The following JAKMIP2 variants were observed in gnomAD, a reference collection of about 807,000 sequenced individuals.
JAKMIP2 encodes janus kinase and microtubule interacting protein 2, also known as janus kinase and microtubule-interacting protein 2.
A neutral mutation model predicts 115.0 loss-of-function variants in JAKMIP2; 25 were observed. The observed-to-expected ratio is 0.22, with a 90% confidence interval of 0.16 to 0.30. The LOEUF is 0.30. JAKMIP2 is among the 10% of genes least tolerant of loss of function. JAKMIP2 has a pLI of 1.00. For synonymous variants in JAKMIP2, 334 were observed against 343.6 expected, an observed-to-expected ratio of 0.97 and a Z score of 0.31; for missense variants, 642 against 957.6, an observed-to-expected ratio of 0.67 and a Z score of 4.35.
chr5:147,659,716 C>A (rs555826423), intron 3 of JAKMIP2, among the ~76,000 whole-genome samples: 1 of 152,164 alleles, frequency 6.6e-6, no homozygotes, highest in African/African-American at 2.4e-5. Context: ...CAGTCACTGT[C>A]GTTTCAAAAA....
intron 1 of JAKMIP2, among the ~76,000 whole-genome samples, chr5:147,763,129 C>G (rs1281362792): frequency 6.6e-6 from 1 of 152,096 alleles, no homozygotes; most frequent in Non-Finnish European, 1.5e-5. Context: ...AGACCACAGG[C>G]AGCCAGTTTG....
intron 1 of JAKMIP2, among the ~76,000 whole-genome samples, chr5:147,781,991 C>A (rs925825296): frequency 7.9e-5 from 12 of 152,092 alleles, no homozygotes; most frequent in Non-Finnish European, 1.5e-4. Context: ...TCTGGGGCCA[C>A]TTTTTCTAAG....
chr5:147,662,018 G>A (rs1050323255), intron 2 of JAKMIP2: 1 of 151,482 alleles, frequency 6.6e-6, no homozygotes, highest in African/African-American at 2.4e-5. Flanking sequence ...TGATATTATT[G>A]AGCATCCGTC....
intron 1 of JAKMIP2, among the ~76,000 whole-genome samples, chr5:147,777,976 T>C (rs1755624739): frequency 1.3e-5 from 2 of 152,334 alleles, no homozygotes; most frequent in South Asian, 4.1e-4. Context: ...ACTTATTTTA[T>C]GACAATATCA....
chr5:147,623,569 A>G, intron 17 of JAKMIP2, 52 bp downstream of exon 17: 1 of 1,220,754 alleles, frequency 8.2e-7, no homozygotes, highest in Non-Finnish European at 1.2e-6. Context: ...TTAATTTTCC[A>G]TTTGCCTTGT....
chr5:147,702,216 C>T (rs955635732), intron 1 of JAKMIP2, among the ~76,000 whole-genome samples: 3 of 148,760 alleles, frequency 2.0e-5, no homozygotes, highest in Non-Finnish European at 4.4e-5. Context: ...CTTGCTAACA[C>T]AAGGGAAGAA....
chr5:147,711,589 G>A (rs1171556592), intron 1 of JAKMIP2, among the ~76,000 whole-genome samples: 4 of 152,148 alleles, frequency 2.6e-5, no homozygotes, highest in Admixed American at 6.6e-5. Context: ...ACAGAATAGT[G>A]TCATCACTGA....
chr5:147,703,853 TATACA>T lies in JAKMIP2; in HGVS notation c.-148-31904_-148-31900del, dbSNP rs112519307. On this transcript the variant is annotated intron_variant, in intron 1 of 21. Transcript: ENST00000616793. ...TAAAACACTAATATTTTTGTACTGC[TATACA>T]ATACATTTTCTTTTTTATATCTTAT... Among the ~76,000 whole-genome samples the T allele has an allele frequency of 6.7e-3, 1,021 of 152,290 alleles. 22 individuals carry two copies. The highest frequency in any genetic ancestry group is 0.022 in the African/African-American group (928 of 41,562).
chr5:147,772,799 C>T (rs912655520), intron 1 of JAKMIP2, among the ~76,000 whole-genome samples: 22 of 151,876 alleles, frequency 1.4e-4, no homozygotes, highest in African/African-American at 5.1e-4. Flanking sequence ...AATTGAATGG[C>T]TTTGGGTATA....
At chr5:147,633,826 A>G (rs1453494727) in intron 12 of JAKMIP2, among the ~76,000 whole-genome samples, 1 of 149,736 alleles carries the variant, frequency 6.7e-6, no homozygotes, top group Non-Finnish European at 1.5e-5. Flanking sequence ...AGTAGCTGGG[A>G]CTACAGGTGC....
chr5:147,743,200 G>A (rs1361006541), intron 1 of JAKMIP2, among the ~76,000 whole-genome samples: 2 of 152,114 alleles, frequency 1.3e-5, no homozygotes, highest in South Asian at 2.1e-4. Context: ...CAGGAGGTGC[G>A]ACAGGCTTCA....
At chr5:147,782,248 ATT>A (rs565755106) in intron 1 of JAKMIP2, among the ~76,000 whole-genome samples, 24 of 144,810 alleles carry the variant, frequency 1.7e-4, no homozygotes, top group African/African-American at 5.8e-4. Flanking sequence ...TCAGAACACC[ATT>A]TTTTTTTTTT....
At position 147,762,667 on chromosome 5, in the gene JAKMIP2, T is replaced by C. The variant is rs191137754; in HGVS notation, c.-149+19789A>G. 4.7e-4 allele frequency among the ~76,000 whole-genome samples: 72 copies of C among 152,188 alleles called. No individual in the cohort carries two copies. In the East Asian group the frequency reaches 9.9e-3, roughly 21 times the overall value. On this transcript the variant is annotated intron_variant, in intron 1 of 21. Coordinates refer to ENST00000616793, the MANE Select transcript of JAKMIP2 (RefSeq NM_001270941.2). ...CCTCATTTAACCTTAATTAGCTCCC[T>C]AAAGGGCCTATCTCCAAATGCAGTC...
At chr5:147,623,935 A>G (rs186795759) in intron 16 of JAKMIP2, among the ~76,000 whole-genome samples, 10 of 152,140 alleles carry the variant, frequency 6.6e-5, no homozygotes, top group African/African-American at 7.2e-5. Context: ...TCCTGCTTTC[A>G]AGCAATTCTC....
At chr5:147,707,726 AC>A (rs1306438202) in intron 1 of JAKMIP2, among the ~76,000 whole-genome samples, 3 of 152,184 alleles carry the variant, frequency 2.0e-5, no homozygotes, top group African/African-American at 7.2e-5. Context: ...GATGTAATGC[AC>A]AACAGTGGGT....
At chr5:147,703,343 T>C (rs1752445604) in intron 1 of JAKMIP2, among the ~76,000 whole-genome samples, 2 of 152,112 alleles carry the variant, frequency 1.3e-5, no homozygotes. Flanking sequence ...TTTATGTATC[T>C]AAACATACTT....
At chr5:147,657,427 C>G (rs895412368) in intron 3 of JAKMIP2, among the ~76,000 whole-genome samples, 4 of 152,126 alleles carry the variant, frequency 2.6e-5, no homozygotes, top group Admixed American at 1.3e-4. Context: ...CTCTGGTTAC[C>G]CTTAACATTT....
chr5:147,707,590 A>G (rs1195391348), intron 1 of JAKMIP2, among the ~76,000 whole-genome samples: 1 of 152,056 alleles, frequency 6.6e-6, no homozygotes, highest in Admixed American at 6.5e-5. Flanking sequence ...CAGAACTGAA[A>G]TATGTAGCTA....
At position 147,637,437 on chromosome 5, in the gene JAKMIP2, A is replaced by ATTTTTTTTTT. The variant is rs34831610; in HGVS notation, c.1531-399_1531-390dup. On this transcript the variant is annotated intron_variant, in intron 10 of 21. Coordinates refer to ENST00000616793, the MANE Select transcript of JAKMIP2 (RefSeq NM_001270941.2). ...CATTTTGCCTCCCCAAATTCTTTTGATTTTTTTTTTTTTTTTTTTTGAGAC... is the reference window on the plus strand; with the variant it reads ...CATTTTGCCTCCCCAAATTCTTTTGATTTTTTTTTTTTTTTTTTTTTTTTTTTTTTGAGAC... Among the ~76,000 whole-genome samples, 53 of 79,298 alleles carry ATTTTTTTTTT rather than the reference A, an allele frequency of 6.7e-4. 2 individuals are homozygous for ATTTTTTTTTT. The highest frequency in any genetic ancestry group is 4.5e-3 in the East Asian group (10 of 2,244). The allele number at this position is 79,298 out of a possible 152,430, so 52.0% of individuals were successfully genotyped here.
Sources: allele counts gnomAD v4.1 joint callset (sites outside exome capture counted in the v4.1 genomes callset), GRCh38; gene constraint gnomAD v4.1.1; transcripts MANE v1.5; gene names NCBI Gene and HGNC (gene_info 2026-07-23, HGNC 2026-07-21).